PRKN: variants seen among roughly 807,000 people sequenced by gnomAD.
The protein encoded by PRKN is parkin RBR E3 ubiquitin protein ligase, also known as E3 ubiquitin-protein ligase parkin.
PRKN carries 56 observed loss-of-function variants against 59.5 expected under a neutral mutation model. The ratio of observed to expected loss-of-function variants is 0.94; its 90% CI spans 0.76 to 1.18. PRKN has a LOEUF of 1.18. Ranked by LOEUF, PRKN falls within the 50% of genes most tolerant of loss-of-function variation. PRKN has a pLI of 0.00. For missense variants in PRKN, 657 were observed against 596.4 expected, an observed-to-expected ratio of 1.10 and a Z score of -1.06; for synonymous variants, 250 against 222.1, an observed-to-expected ratio of 1.13 and a Z score of -1.12.
intron 6 of PRKN, among the ~76,000 whole-genome samples, chr6:161,901,915 C>A (rs1196751324): frequency 1.3e-5 from 2 of 152,108 alleles, no homozygotes; most frequent in Non-Finnish European, 2.9e-5. Context: ...TGCAAGTTCC[C>A]CTGGAGAGAG....
intron 7 of PRKN, among the ~76,000 whole-genome samples, chr6:161,698,820 A>T (rs923395212): frequency 1.6e-4 from 25 of 152,184 alleles, no homozygotes; most frequent in Admixed American, 1.4e-3. Flanking sequence ...TATAAAGGTA[A>T]AACACTAAAC....
At chr6:162,727,451 G>C (rs988038592) in intron 1 of PRKN, among the ~76,000 whole-genome samples, 1 of 152,076 alleles carries the variant, frequency 6.6e-6, no homozygotes, top group African/African-American at 2.4e-5. Flanking sequence ...GCAGGGGCGG[G>C]CAGGCGAGGG....
At chr6:161,701,187 T>C (rs952181268) in intron 7 of PRKN, among the ~76,000 whole-genome samples, 4 of 152,212 alleles carry the variant, frequency 2.6e-5, no homozygotes, top group Non-Finnish European at 5.9e-5. Flanking sequence ...TCCCTGTACT[T>C]GGCTCACTGT....
intron 1 of PRKN, among the ~76,000 whole-genome samples, chr6:162,592,146 C>T (rs2128214481): frequency 6.6e-6 from 1 of 152,284 alleles, no homozygotes; most frequent in Non-Finnish European, 1.5e-5. Context: ...ATTACAGACA[C>T]TCATCACCAC....
At chr6:162,657,237 A>T (rs1778676790) in intron 1 of PRKN, among the ~76,000 whole-genome samples, 1 of 152,192 alleles carries the variant, frequency 6.6e-6, no homozygotes, top group Non-Finnish European at 1.5e-5. Context: ...GTGTTACAGA[A>T]GAGTTGGCTC....
At chr6:161,921,298 C>T (rs962161068) in intron 6 of PRKN, among the ~76,000 whole-genome samples, 3 of 152,134 alleles carry the variant, frequency 2.0e-5, no homozygotes, top group African/African-American at 7.2e-5. Context: ...ATGCATGGAC[C>T]TGTCATTTCC....
chr6:162,667,299 T>C (rs1159871665), intron 1 of PRKN, among the ~76,000 whole-genome samples: 2 of 152,198 alleles, frequency 1.3e-5, no homozygotes, highest in East Asian at 1.9e-4. Context: ...AGCCAGAAGA[T>C]TTTTTACAAT....
intron 1 of PRKN, among the ~76,000 whole-genome samples, chr6:162,623,694 C>T (rs1011053106): frequency 6.6e-6 from 1 of 152,000 alleles, no homozygotes; most frequent in African/African-American, 2.4e-5. Flanking sequence ...CAGGTCATGG[C>T]AGTCAAAAGA....
chr6:161,830,205 C>T (rs890220043), intron 6 of PRKN, among the ~76,000 whole-genome samples: 7 of 152,004 alleles, frequency 4.6e-5, no homozygotes, highest in Non-Finnish European at 1.0e-4. Context: ...GTCTCTGCTG[C>T]GTGTTCCTGT....
chr6:161,700,767 A>C (rs2128178837), intron 7 of PRKN, among the ~76,000 whole-genome samples: 1 of 152,290 alleles, frequency 6.6e-6, no homozygotes, highest in East Asian at 1.9e-4. Flanking sequence ...GGATAAGGAC[A>C]TTTGGAATTT....
intron 9 of PRKN, among the ~76,000 whole-genome samples, chr6:161,523,171 T>C (rs1778898806): frequency 1.3e-5 from 2 of 152,338 alleles, no homozygotes; most frequent in South Asian, 4.1e-4. Flanking sequence ...AGTGTATCTA[T>C]TATGCTAAGA....
At chr6:162,003,632 C>T (rs1210356456) in intron 5 of PRKN, among the ~76,000 whole-genome samples, 3 of 152,136 alleles carry the variant, frequency 2.0e-5, no homozygotes, top group East Asian at 1.9e-4. Flanking sequence ...AGAGGGTATT[C>T]GTTCATTTTT....
chr6:161,475,357 C>T lies in PRKN; in HGVS notation c.1083+73497G>A, dbSNP rs867677901. Among the ~76,000 whole-genome samples, 7 of 152,140 alleles carry T rather than the reference C, an allele frequency of 4.6e-5. No individual in the cohort carries two copies. In the East Asian group the frequency reaches 9.6e-4, roughly 21 times the overall value. On this transcript the variant is annotated intron_variant, in intron 9 of 11. Coordinates refer to ENST00000366898, the MANE Select transcript of PRKN (RefSeq NM_004562.3). The surrounding 1 kb of genome is among the most constrained non-coding windows in gnomAD (Gnocchi z 5.3). ...ATTTGCGATTTGTTTTTGGTCATCA[C>T]GAGGAAGGAGGGTACTCATTCTCAT...
chr6:162,612,649 G>A (rs1782245124), intron 1 of PRKN, among the ~76,000 whole-genome samples: 1 of 150,614 alleles, frequency 6.6e-6, no homozygotes, highest in South Asian at 2.1e-4. Flanking sequence ...CCAAAACGTT[G>A]CCTTAAACTG....
At chr6:162,442,619 C>G (rs1562768009) in intron 2 of PRKN, among the ~76,000 whole-genome samples, 1 of 152,110 alleles carries the variant, frequency 6.6e-6, no homozygotes, top group East Asian at 1.9e-4. Context: ...CAGTGGGCTG[C>G]CAGAAGCTCT....
At chr6:161,907,417 G>T (rs548975287) in intron 6 of PRKN, among the ~76,000 whole-genome samples, 1 of 152,034 alleles carries the variant, frequency 6.6e-6, no homozygotes, top group African/African-American at 2.4e-5. Flanking sequence ...AATTATTTCC[G>T]CAACATAACC....
chr6:161,915,843 A>G (rs183578616), intron 6 of PRKN, among the ~76,000 whole-genome samples: 30 of 152,364 alleles, frequency 2.0e-4, no homozygotes, highest in Admixed American at 1.8e-3. Context: ...TACCATTGAC[A>G]GAGAGCAAGA....
chr6:162,054,107 C>CT lies in PRKN; in HGVS notation c.601_602insA (p.Cys201Ter), dbSNP rs1231455463. Reference sequence around the variant, plus strand: ...GGTACTTACTGCACTAGTCCCAGGGCAGTGTGGGGATTGGCATTCACCACT... The same window carrying CT: ...GGTACTTACTGCACTAGTCCCAGGGCTAGTGTGGGGATTGGCATTCACCACT... Reference protein sequence around the residue: ...RMSGECQSPHCPGTSAEFFFK... With the variant: ...RMSGECQSPH Residue 201 changes from cysteine (C) to a stop codon, truncating the protein, a stop_gained and frameshift_variant, in exon 5 of 12, where the codon TGC (cysteine) becomes TAGC (stop). Transcript: ENST00000366898. LOFTEE classifies it high-confidence loss of function. 1 of 1,609,692 alleles carries CT rather than the reference C, an allele frequency of 6.2e-7. No individual in the cohort carries two copies.
At chr6:161,817,542 T>TA (rs1282109398) in intron 6 of PRKN, among the ~76,000 whole-genome samples, 1 of 152,248 alleles carries the variant, frequency 6.6e-6, no homozygotes, top group East Asian at 1.9e-4. Flanking sequence ...ATACTTTTGT[T>TA]ACTGTGTTTT....
Sources: gnomAD v4.1 joint callset for allele counts (sites outside exome capture counted in the v4.1 genomes callset) on GRCh38, gnomAD v4.1.1 for gene constraint, Gnocchi (gnomAD v3.1) non-coding constraint, MANE v1.5 for transcripts, NCBI Gene and HGNC (gene_info 2026-07-23, HGNC 2026-07-21) for gene names.